The following SEMA5A variants were observed in gnomAD, a reference collection of about 807,000 sequenced individuals.
SEMA5A encodes the protein semaphorin-5A.
In SEMA5A, 55 loss-of-function variants were observed where a neutral mutation model predicts 135.5. The observed-to-expected ratio is 0.41, with a 90% CI of 0.33 to 0.51. The LOEUF is 0.51. Ranked by LOEUF, SEMA5A falls within the 20% of genes least tolerant of loss-of-function variation. The pLI is 0.37. For missense variants in SEMA5A, 1,290 were observed against 1,419.9 expected (o/e 0.91, Z 1.47); for synonymous variants, 580 against 546.5 (o/e 1.06, Z -0.85).
chr5:9,422,981 T>C (rs1164170163), intron 2 of SEMA5A, among the ~76,000 whole-genome samples: 2 of 152,242 alleles, frequency 1.3e-5, no homozygotes, highest in Admixed American at 1.3e-4. Flanking sequence ...ACAGACTGCT[T>C]GCAAGCCAGC....
rs1420031011 is a variant in SEMA5A, at chr5:9,384,631, GATAGATAGATAGATAGATA to G, written c.-77-4627_-77-4609del. The stretch of plus-strand genomic sequence containing the variant: ...AGATAGATAGATACATAGATAGATA[GATAGATAGATAGATAGATA>G]GATAGATAGATATAGATAGATAGAT... On this transcript the variant is annotated intron_variant, in intron 2 of 22. Transcript: ENST00000382496. 9.2e-3 allele frequency among the ~76,000 whole-genome samples: 1,021 copies of G among 111,180 alleles called. 66 individuals carry two copies. The highest frequency in any genetic ancestry group is 0.034 in the African/African-American group (965 of 28,364). 72.9% of individuals were successfully genotyped at this position (111,180 alleles called of 152,430 possible). A position where few individuals can be genotyped will look rare whatever the true frequency, so the allele number is the denominator to read the frequency against.
chr5:9,069,867 C>A (rs749051749), intron 16 of SEMA5A, among the ~76,000 whole-genome samples: 11 of 152,178 alleles, frequency 7.2e-5, no homozygotes, highest in Non-Finnish European at 1.2e-4. Context: ...AAAAGCCAGG[C>A]ACAACGCGTG....
intron 3 of SEMA5A, among the ~76,000 whole-genome samples, chr5:9,375,721 C>T (rs1190571367): frequency 1.3e-5 from 2 of 151,266 alleles, no homozygotes; most frequent in African/African-American, 4.9e-5. Flanking sequence ...CCAGGAAAGT[C>T]CCAGGAAGAC....
At chr5:9,097,648 A>G (rs1395773798) in intron 16 of SEMA5A, among the ~76,000 whole-genome samples, 2 of 152,198 alleles carry the variant, frequency 1.3e-5, no homozygotes, top group Admixed American at 1.3e-4. Context: ...GCTAATATCA[A>G]TTAGACCCAC....
At chr5:9,354,263 C>T (rs543836523) in intron 3 of SEMA5A, among the ~76,000 whole-genome samples, 2 of 152,326 alleles carry the variant, frequency 1.3e-5, no homozygotes, top group South Asian at 4.1e-4. Flanking sequence ...ACTCTTGTTT[C>T]CCAGCGTGGG....
At position 9,133,440 on chromosome 5, in the gene SEMA5A, T is replaced by A. The variant is rs530686116; in HGVS notation, c.1599+3064A>T. The stretch of plus-strand genomic sequence containing the variant: ...GCCTTCTTTGTATATGCTTAACTTA[T>A]CTAAAGTGTATCTTGATATGTGATA... On this transcript the variant is annotated intron_variant, in intron 13 of 22. Coordinates refer to ENST00000382496, the MANE Select transcript of SEMA5A (RefSeq NM_003966.3). Among the ~76,000 whole-genome samples, 17 of 152,344 alleles carry A rather than the reference T, an allele frequency of 1.1e-4. No homozygotes were observed. In the South Asian group the frequency reaches 3.5e-3, roughly 32 times the overall value.
At chr5:9,044,299 A>G (rs2290735) in intron 22 of SEMA5A, 74 bp downstream of exon 22, 78,265 of 1,248,780 alleles carry the variant, frequency 0.063, 2,944 homozygotes, top group Middle Eastern at 0.098. Flanking sequence ...CACAGCAGAG[A>G]AAGGGCATCA....
chr5:9,410,938 A>G (rs1757085595), intron 2 of SEMA5A, among the ~76,000 whole-genome samples: 5 of 150,760 alleles, frequency 3.3e-5, no homozygotes, highest in African/African-American at 1.2e-4. Context: ...TCTACTTACT[A>G]TATTTATTCT....
intron 9 of SEMA5A, 93 bp from the exon 10 acceptor site, chr5:9,197,396 G>A: frequency 6.9e-7 from 1 of 1,440,742 alleles, no homozygotes; most frequent in Non-Finnish European, 9.4e-7. Flanking sequence ...GTGACCTACA[G>A]CTTCCAGAGG....
chr5:9,263,218 C>T (rs1274860502), intron 5 of SEMA5A, among the ~76,000 whole-genome samples: 3 of 152,094 alleles, frequency 2.0e-5, no homozygotes, highest in South Asian at 2.1e-4. Context: ...TTTTTTACTC[C>T]GTCCTCCAGG....
chr5:9,117,977 C>G (rs1437110177), intron 15 of SEMA5A, among the ~76,000 whole-genome samples: 1 of 152,028 alleles, frequency 6.6e-6, no homozygotes, highest in African/African-American at 2.4e-5. Flanking sequence ...GTGAGGAACA[C>G]ACTTGAAGAA....
At position 9,108,184 on chromosome 5, in the gene SEMA5A, G is replaced by A. The variant is rs147869499; in HGVS notation, c.2029C>T (p.Arg677Cys). The A allele has an allele frequency of 1.4e-5, 23 of 1,613,982 alleles. No individual in the cohort carries two copies. Among genetic ancestry groups the A allele is most frequent in the Non-Finnish European group, 1.9e-5 (22 of 1,180,026 alleles). The change falls in exon 16 of 23, where the codon CGC becomes TGC. Residue 677 changes from arginine (R) to cysteine (C), a missense_variant. Arg to Cys is a radical substitution (Grantham distance 180, BLOSUM62 -3). Around this residue, in one of 3 missense-constraint regions of SEMA5A, gnomAD observed 1,029 missense variants for 1,086.6 expected, o/e 0.95. Coordinates refer to ENST00000382496, the MANE Select transcript of SEMA5A (RefSeq NM_003966.3). ...AQCGGGIQARRRICENGPDCA... is the reference protein window; with the variant it reads ...AQCGGGIQARCRICENGPDCA... ...TCAGGCCCATTCTCACAGATCCTGC[G>A]GCGAGCTTGAATGCCACCCCCGCAT...
chr5:9,118,154 T>C (rs1740620131), intron 15 of SEMA5A, among the ~76,000 whole-genome samples: 1 of 152,218 alleles, frequency 6.6e-6, no homozygotes, highest in African/African-American at 2.4e-5. Context: ...TGTCATCAAA[T>C]ATAAACCTGC....
chr5:9,339,418 AT>A (rs149745502), intron 3 of SEMA5A, among the ~76,000 whole-genome samples: 1,550 of 152,332 alleles, frequency 0.01, 26 homozygotes, highest in African/African-American at 0.035. Context: ...GGTATCACTC[AT>A]CTTCACTCCA....
intron 1 of SEMA5A, among the ~76,000 whole-genome samples, chr5:9,476,412 A>G (rs1379753615): frequency 6.6e-6 from 1 of 151,914 alleles, no homozygotes. Flanking sequence ...GATAGTTTAC[A>G]TTTCTTTCAT....
chr5:9,387,488 CAAA>C (rs1755947843), intron 2 of SEMA5A, among the ~76,000 whole-genome samples: 1 of 152,096 alleles, frequency 6.6e-6, no homozygotes. Context: ...TCGTCAGAAA[CAAA>C]GAAGGAAGAA....
intron 5 of SEMA5A, among the ~76,000 whole-genome samples, chr5:9,309,382 A>G (rs537141428): frequency 1.3e-5 from 2 of 152,254 alleles, no homozygotes; most frequent in East Asian, 3.9e-4. Flanking sequence ...GAAAATGCTA[A>G]TATCTGTCAA....
intron 1 of SEMA5A, among the ~76,000 whole-genome samples, chr5:9,506,094 G>T (rs189006809): frequency 6.6e-6 from 1 of 152,266 alleles, no homozygotes; most frequent in African/African-American, 2.4e-5. Context: ...AGAATAGAAA[G>T]GATTAGATAA....
At chr5:9,102,454 A>G (rs1258973071) in intron 16 of SEMA5A, among the ~76,000 whole-genome samples, 1 of 152,200 alleles carries the variant, frequency 6.6e-6, no homozygotes, top group Non-Finnish European at 1.5e-5. Flanking sequence ...CAAATAGGAA[A>G]CTTACAGATA....
Sources: gnomAD v4.1 joint callset for allele counts (sites outside exome capture counted in the v4.1 genomes callset) on GRCh38, gnomAD v4.1.1 for gene constraint, gnomAD v4.1.1 regional missense constraint, MANE v1.5 for transcripts, NCBI Gene and HGNC (gene_info 2026-07-23, HGNC 2026-07-21) for gene names.